The following SLC9A9 variants were observed in gnomAD, a reference collection of about 807,000 sequenced individuals.
The protein encoded by SLC9A9 is sodium/hydrogen exchanger 9.
In SLC9A9, 62 loss-of-function variants were observed where a neutral mutation model predicts 77.8. That is an observed-to-expected ratio of 0.80 (90% confidence interval 0.65 to 0.98). The LOEUF is 0.98. Ranked by LOEUF, SLC9A9 falls within the 50% of genes least tolerant of loss-of-function variation. The probability of loss-of-function intolerance (pLI) is 0.00; values close to 1 mark genes in which losing one functional copy is unlikely to be tolerated. For missense variants in SLC9A9, 775 were observed against 774.9 expected, an observed-to-expected ratio of 1.00 and a Z score of 0.00; for synonymous variants, 320 against 283.5, an observed-to-expected ratio of 1.13 and a Z score of -1.29.
At chr3:143,732,669 A>G (rs1450977022) in intron 4 of SLC9A9, among the ~76,000 whole-genome samples, 5 of 152,002 alleles carry the variant, frequency 3.3e-5, no homozygotes, top group Non-Finnish European at 5.9e-5. Context: ...AGACAAATCC[A>G]CCCTTCAGTA....
At chr3:143,479,113 C>T (rs542796655) in intron 11 of SLC9A9, among the ~76,000 whole-genome samples, 1 of 152,188 alleles carries the variant, frequency 6.6e-6, no homozygotes, top group Non-Finnish European at 1.5e-5. Flanking sequence ...TGATTATCCA[C>T]AAGATCTCGC....
intron 4 of SLC9A9, among the ~76,000 whole-genome samples, chr3:143,727,708 G>A (rs1934691923): frequency 6.6e-6 from 1 of 152,160 alleles, no homozygotes; most frequent in African/African-American, 2.4e-5. Flanking sequence ...AAAGACAGCT[G>A]AGAAAATAAA....
At chr3:143,572,994 A>G (rs1030004705) in intron 8 of SLC9A9, among the ~76,000 whole-genome samples, 1 of 152,180 alleles carries the variant, frequency 6.6e-6, no homozygotes, top group Non-Finnish European at 1.5e-5. Context: ...GTGGTCCCCC[A>G]GAACCCAGGC....
chr3:143,587,680 C>G (rs2037566605), intron 6 of SLC9A9, among the ~76,000 whole-genome samples: 1 of 152,118 alleles, frequency 6.6e-6, no homozygotes, highest in African/African-American at 2.4e-5. Context: ...GGGTAGAGGA[C>G]AGGGGTGTGA....
chr3:143,414,532 C>A (rs1458654901), intron 12 of SLC9A9, among the ~76,000 whole-genome samples: 2 of 152,162 alleles, frequency 1.3e-5, no homozygotes, highest in Non-Finnish European at 2.9e-5. Flanking sequence ...AACATTTCAT[C>A]ATTATCATAT....
In SLC9A9 at chr3:143,363,568, G is replaced by A; in HGVS notation, c.1525-5C>T. ...TTTATCCAAGTTATTTGCTTCCTGGGGAGAAACAATAGAAAAAGGCATTGG... is the reference window on the plus strand; with the variant it reads ...TTTATCCAAGTTATTTGCTTCCTGGAGAGAAACAATAGAAAAAGGCATTGG... On this transcript the variant is annotated splice_region_variant and splice_polypyrimidine_tract_variant and intron_variant, in intron 13 of 15. Transcript: ENST00000316549. 6.2e-7 allele frequency: 1 copy of A among 1,611,628 alleles called. No homozygotes were observed. Among genetic ancestry groups the A allele is most frequent in the South Asian group, 1.1e-5 (1 of 91,028 alleles).
chr3:143,487,244 C>G (rs977740462), intron 11 of SLC9A9, among the ~76,000 whole-genome samples: 1 of 151,914 alleles, frequency 6.6e-6, no homozygotes, highest in African/African-American at 2.4e-5. Flanking sequence ...TAAACATTTA[C>G]ATACCTAATG....
At chr3:143,414,158 T>A (rs11707045) in intron 12 of SLC9A9, among the ~76,000 whole-genome samples, 41,018 of 152,196 alleles carry the variant, frequency 0.27, 6,070 homozygotes, top group Non-Finnish European at 0.34. Flanking sequence ...TTCCTGTCAC[T>A]TGTGTATGTG....
chr3:143,451,131 C>T (rs988808225), intron 12 of SLC9A9, among the ~76,000 whole-genome samples: 4 of 151,564 alleles, frequency 2.6e-5, no homozygotes, highest in African/African-American at 9.7e-5. Context: ...ACTACAATCT[C>T]TACTGCAAAT....
intron 12 of SLC9A9, among the ~76,000 whole-genome samples, chr3:143,395,339 G>C (rs528733011): frequency 6.6e-6 from 1 of 152,176 alleles, no homozygotes; most frequent in African/African-American, 2.4e-5. Context: ...CAAAAACAAG[G>C]AATGGGGAAA....
At chr3:143,463,413 T>C (rs975924940) in intron 12 of SLC9A9, among the ~76,000 whole-genome samples, 3 of 152,224 alleles carry the variant, frequency 2.0e-5, no homozygotes, top group African/African-American at 7.2e-5. Context: ...AGCTCTGCCC[T>C]GTGGTCTTTA....
At chr3:143,833,662 C>G (rs1235146016) in intron 1 of SLC9A9, among the ~76,000 whole-genome samples, 1 of 152,158 alleles carries the variant, frequency 6.6e-6, no homozygotes, top group African/African-American at 2.4e-5. Flanking sequence ...GATCTACGCT[C>G]TCCCTGTGTG....
In SLC9A9 at chr3:143,266,706, T is replaced by G. The variant is rs1293476066; in HGVS notation, c.1934A>C (p.Asn645Thr). Residue 645 changes from asparagine to threonine, a missense_variant, in exon 16 of 16, where the codon AAT (asparagine) becomes ACT (threonine). Physicochemically the swap from Asn to Thr is moderately conservative, Grantham distance 65. Coordinates refer to ENST00000316549, the MANE Select transcript of SLC9A9 (RefSeq NM_173653.4). The stretch of plus-strand genomic sequence containing the variant: ...CATCTGTACTCTTCATGCCAATTAA[T>G]TCAACTGGGATTGACCCAAAGTTTG... ...LEQTLGQSQLN is the reference protein window; with the variant it reads ...LEQTLGQSQLT 2 of 1,614,168 alleles carry G rather than the reference T, an allele frequency of 1.2e-6. No homozygotes were observed. Among genetic ancestry groups the G allele is most frequent in the Non-Finnish European group, 1.7e-6 (2 of 1,180,006 alleles).
intron 2 of SLC9A9, among the ~76,000 whole-genome samples, chr3:143,813,580 A>G (rs1483660670): frequency 1.3e-5 from 2 of 152,136 alleles, no homozygotes; most frequent in African/African-American, 4.8e-5. Context: ...CCCAGCATGG[A>G]GGCCAATTCT....
chr3:143,522,058 A>G (rs533497315), intron 9 of SLC9A9, among the ~76,000 whole-genome samples: 3 of 152,216 alleles, frequency 2.0e-5, no homozygotes, highest in South Asian at 2.1e-4. Context: ...TGTTCCAAGA[A>G]TACTTCCAAC....
chr3:143,279,402 T>C (rs1470133773), intron 14 of SLC9A9, among the ~76,000 whole-genome samples: 1 of 152,220 alleles, frequency 6.6e-6, no homozygotes, highest in Non-Finnish European at 1.5e-5. Flanking sequence ...GGTGTCTTCA[T>C]GTTGGGCATC....
chr3:143,455,833 A>T (rs2035081673), intron 12 of SLC9A9, among the ~76,000 whole-genome samples: 1 of 151,576 alleles, frequency 6.6e-6, no homozygotes, highest in Admixed American at 6.6e-5. Flanking sequence ...CTATATAAAC[A>T]ATTATAAAGG....
At chr3:143,674,194 A>T (rs1004963001) in intron 5 of SLC9A9, among the ~76,000 whole-genome samples, 2 of 152,148 alleles carry the variant, frequency 1.3e-5, no homozygotes. Flanking sequence ...GATAGTCTCT[A>T]TTTTAAGGAA....
chr3:143,265,601 A>C lies in SLC9A9; in HGVS notation c.*1101T>G. On this transcript the variant is annotated 3_prime_UTR_variant, in exon 16 of 16. Transcript: ENST00000316549. ...TTTCAAGAGGTGCTAGGCTTGAGGT[A>C]TCTTTATGGCTTAAAAGGCACAGGT... 1 of 320,688 alleles carries C rather than the reference A, an allele frequency of 3.1e-6. No individual in the cohort carries two copies. Among genetic ancestry groups the C allele is most frequent in the Non-Finnish European group, 5.6e-6 (1 of 177,186 alleles). The allele number at this position is 320,688 out of a possible 1,614,324, so 19.9% of individuals were successfully genotyped here.
Sources: allele counts gnomAD v4.1 joint callset (sites outside exome capture counted in the v4.1 genomes callset), GRCh38; gene constraint gnomAD v4.1.1; transcripts MANE v1.5; gene names NCBI Gene and HGNC (gene_info 2026-07-23, HGNC 2026-07-21).